Variants in RPL39L observed in about 807,000 individuals in gnomAD.
RPL39L encodes the protein ribosomal protein L39 like, also known as ribosomal protein eL39-like 2.
For synonymous variants in RPL39L, 16 were observed against 20.1 expected (o/e 0.80, Z 0.55); for missense variants, 48 against 58.9 (o/e 0.81, Z 0.61).
At chr3:187,135,074 A>G (rs1720551453) in intron 1 of RPL39L, among the ~76,000 whole-genome samples, 1 of 152,208 alleles carries the variant, frequency 6.6e-6, no homozygotes, top group African/African-American at 2.4e-5. Context: ...TTTTCGCTTA[A>G]AGCTTTCTTA....
intron 1 of RPL39L, among the ~76,000 whole-genome samples, chr3:187,134,479 C>T (rs1387810405): frequency 1.1e-5 from 1 of 93,794 alleles, no homozygotes; most frequent in Non-Finnish European, 1.7e-5. Context: ...TTTAGCCTGA[C>T]TGATAAAAAA....
chr3:187,138,798 G>A (rs1271900067), intron 1 of RPL39L, among the ~76,000 whole-genome samples: 2 of 152,278 alleles, frequency 1.3e-5, no homozygotes, highest in Non-Finnish European at 2.9e-5. Context: ...AGTGCCTCAC[G>A]CCTGTAATCC....
chr3:187,125,135 C>T (rs550881996), intron 2 of RPL39L, among the ~76,000 whole-genome samples: 8 of 152,192 alleles, frequency 5.3e-5, no homozygotes, highest in African/African-American at 1.2e-4. Flanking sequence ...GGATGCAATA[C>T]GATATGTCTA....
In RPL39L at chr3:187,120,978, T is replaced by C; in HGVS notation, c.*167A>G. 2 of 705,188 alleles carry C rather than the reference T, an allele frequency of 2.8e-6. No individual in the cohort carries two copies. Among genetic ancestry groups the C allele is most frequent in the South Asian group, 3.7e-5 (2 of 53,652 alleles). The allele number at this position is 705,188 out of a possible 1,614,324, so 43.7% of individuals were successfully genotyped here. A position where few individuals can be genotyped will look rare whatever the true frequency, so the allele number is the denominator to read the frequency against. ...GAAACAAAAGCTTTCACATATTTAT[T>C]ACTGAATCCACCCTACTAGCACAGA... On this transcript the variant is annotated 3_prime_UTR_variant, in exon 3 of 3. Coordinates refer to ENST00000296277, the MANE Select transcript of RPL39L (RefSeq NM_052969.3).
rs1579408780 is a variant in RPL39L at position 187,121,341 on chromosome 3, A to C, written c.-28-13T>G. ...CAACCACACACCACTATGGCGGAGA[A>C]AGGGAGAGAGAGACAGAGACAATAT... On this transcript the variant is annotated splice_polypyrimidine_tract_variant and intron_variant, in intron 2 of 2. Coordinates refer to ENST00000296277, the MANE Select transcript of RPL39L (RefSeq NM_052969.3). The C allele has an allele frequency of 1.9e-6, 3 of 1,608,082 alleles. No homozygotes were observed. The highest frequency in any genetic ancestry group is 2.6e-6 in the Non-Finnish European group (3 of 1,175,452).
At chr3:187,129,271 C>T (rs1321714672) in intron 1 of RPL39L, among the ~76,000 whole-genome samples, 2 of 152,212 alleles carry the variant, frequency 1.3e-5, no homozygotes, top group African/African-American at 4.8e-5. Flanking sequence ...AGTCTAAATA[C>T]ATCTCCTAGG....
intron 2 of RPL39L, among the ~76,000 whole-genome samples, chr3:187,123,234 A>G (rs892180171): frequency 6.6e-6 from 1 of 152,210 alleles, no homozygotes. Flanking sequence ...ATGAGTAGGC[A>G]ACTAAGTTGG....
At chr3:187,134,733 G>A (rs561644542) in intron 1 of RPL39L, among the ~76,000 whole-genome samples, 55 of 152,288 alleles carry the variant, frequency 3.6e-4, no homozygotes, top group South Asian at 2.3e-3. Context: ...GAATTGTGTA[G>A]TTAAAAATCT....
Position 187,134,483 on chromosome 3 carries a change from T to TAAAAAAAAAAA in RPL39L, c.-93+4719_-93+4729dup, listed in dbSNP as rs72169562. Among the ~76,000 whole-genome samples, 45 of 93,396 alleles carry TAAAAAAAAAAA rather than the reference T, an allele frequency of 4.8e-4. 1 individual carries two copies. The highest frequency in any genetic ancestry group is 1.9e-3 in the African/African-American group (44 of 23,560). 61.3% of individuals were successfully genotyped at this position (93,396 alleles called of 152,430 possible). The stretch of plus-strand genomic sequence containing the variant: ...GCCCAAACTACTTTAGCCTGACTGA[T>TAAAAAAAAAAA]AAAAAAAAAAAAAAAAAAAGAAGAC... On this transcript the variant is annotated intron_variant, in intron 1 of 2. Transcript: ENST00000296277.
intron 1 of RPL39L, 125 bp downstream of exon 1, chr3:187,139,088 A>C (rs114220786): frequency 1.8e-3 from 258 of 140,572 alleles, no homozygotes; most frequent in Middle Eastern, 6.8e-3. Context: ...AACAAACAAA[A>C]ACGCTACTAC....
At chr3:187,125,453 T>C (rs573962786) in intron 2 of RPL39L, among the ~76,000 whole-genome samples, 2 of 152,314 alleles carry the variant, frequency 1.3e-5, no homozygotes, top group South Asian at 2.1e-4. Flanking sequence ...AAAAGCACCC[T>C]TTGTTATTTG....
intron 1 of RPL39L, among the ~76,000 whole-genome samples, chr3:187,136,502 G>A (rs1579415791): frequency 1.3e-5 from 2 of 152,358 alleles, no homozygotes; most frequent in African/African-American, 4.8e-5. Flanking sequence ...TGCAGCCCTA[G>A]ACCATCTGTA....
intron 1 of RPL39L, among the ~76,000 whole-genome samples, chr3:187,134,288 T>C (rs549460041): frequency 7.5e-4 from 114 of 152,156 alleles, no homozygotes; most frequent in Middle Eastern, 6.8e-3. Flanking sequence ...CTAGGGGCAA[T>C]TCTGCCTTTC....
At chr3:187,126,164 CTT>C (rs201902572) in intron 2 of RPL39L, among the ~76,000 whole-genome samples, 17 of 140,526 alleles carry the variant, frequency 1.2e-4, no homozygotes, top group Admixed American at 2.8e-4. Flanking sequence ...CTATTGGTTT[CTT>C]TTTTTTTTTT....
At chr3:187,134,723 G>A (rs751629605) in intron 1 of RPL39L, among the ~76,000 whole-genome samples, 1 of 152,104 alleles carries the variant, frequency 6.6e-6, no homozygotes, top group Non-Finnish European at 1.5e-5. Context: ...TAAAAATGTT[G>A]AATTGTGTAG....
chr3:187,135,524 C>T (rs966101192), intron 1 of RPL39L, among the ~76,000 whole-genome samples: 2 of 152,170 alleles, frequency 1.3e-5, no homozygotes, highest in Non-Finnish European at 2.9e-5. Context: ...TGCTTTCTGC[C>T]ATAATTGTGA....
At chr3:187,134,483 T>TTA (rs766343564) in intron 1 of RPL39L, among the ~76,000 whole-genome samples, 1 of 93,426 alleles carries the variant, frequency 1.1e-5, no homozygotes, top group Non-Finnish European at 2.2e-5. Context: ...GCCTGACTGA[T>TTA]AAAAAAAAAA....
intron 2 of RPL39L, 32 bp from the exon 3 acceptor site, chr3:187,121,360 A>G: frequency 2.5e-6 from 4 of 1,571,616 alleles, no homozygotes; most frequent in Non-Finnish European, 3.5e-6. Context: ...AGAGACAGAG[A>G]CAATATTACC....
At chr3:187,121,794 T>C (rs1215369955) in intron 2 of RPL39L, among the ~76,000 whole-genome samples, 1 of 152,220 alleles carries the variant, frequency 6.6e-6, no homozygotes, top group Non-Finnish European at 1.5e-5. Flanking sequence ...TTAAGACAGA[T>C]GTACATGCAG....
Sources: allele counts gnomAD v4.1 joint callset (sites outside exome capture counted in the v4.1 genomes callset), GRCh38; gene constraint gnomAD v4.1.1; transcripts MANE v1.5; gene names NCBI Gene and HGNC (gene_info 2026-07-23, HGNC 2026-07-21).